ESR2: variants seen among roughly 807,000 people sequenced by gnomAD.
The protein encoded by ESR2 is estrogen receptor 2, also known as estrogen receptor beta.
A neutral mutation model predicts 49.6 loss-of-function variants in ESR2; 36 were observed. The observed-to-expected ratio is 0.73, with a 90% CI of 0.56 to 0.96. The LOEUF (loss-of-function observed/expected upper bound fraction) is 0.96. ESR2 is among the 40% of genes least tolerant of loss of function. ESR2 has a pLI of 0.00. For missense variants in ESR2, 714 were observed against 693.0 expected, an observed-to-expected ratio of 1.03 and a Z score of -0.34; for synonymous variants, 320 against 266.1, an observed-to-expected ratio of 1.20 and a Z score of -1.97.
chr14:64,234,875 T>C, intron 8 of ESR2, 95 bp downstream of exon 8: 3 of 1,543,314 alleles, frequency 1.9e-6, no homozygotes, highest in Non-Finnish European at 2.6e-6. Flanking sequence ...TTCATTTTCC[T>C]TAACTTGCAG....
At chr14:64,242,711 G>A (rs981379194) in intron 7 of ESR2, among the ~76,000 whole-genome samples, 2 of 152,104 alleles carry the variant, frequency 1.3e-5, no homozygotes, top group African/African-American at 4.8e-5. Flanking sequence ...TTCTATCAGA[G>A]TAATGCTGGC....
At chr14:64,305,960 C>T (rs895266269) in intron 1 of ESR2, among the ~76,000 whole-genome samples, 1 of 152,034 alleles carries the variant, frequency 6.6e-6, no homozygotes, top group Non-Finnish European at 1.5e-5. Flanking sequence ...CCTGTAATCC[C>T]AGCACTTTGG....
chr14:64,291,485 T>G (rs554923524), intron 1 of ESR2, among the ~76,000 whole-genome samples: 1 of 152,158 alleles, frequency 6.6e-6, no homozygotes, highest in Non-Finnish European at 1.5e-5. Context: ...AGTTACATAT[T>G]TAAAATACAG....
chr14:64,296,378 G>A (rs368007572), upstream of ESR2, among the ~76,000 whole-genome samples: 8 of 152,332 alleles, frequency 5.3e-5, no homozygotes, highest in South Asian at 6.2e-4. Flanking sequence ...TGGCTTCATA[G>A]ACAGCTACCG....
intron 1 of ESR2, among the ~76,000 whole-genome samples, chr14:64,302,089 T>A (rs1156300903): frequency 6.6e-6 from 1 of 152,084 alleles, no homozygotes; most frequent in East Asian, 1.9e-4. Context: ...ATTATAAGAG[T>A]AATTTGCAGC....
intron 4 of ESR2, among the ~76,000 whole-genome samples, chr14:64,268,327 G>C (rs536922374): frequency 6.6e-6 from 1 of 152,274 alleles, no homozygotes; most frequent in South Asian, 2.1e-4. Flanking sequence ...TAGAAAGCTA[G>C]ACGAGGGGAT....
At chr14:64,242,348 G>A (rs1055461570) in intron 7 of ESR2, among the ~76,000 whole-genome samples, 12 of 151,260 alleles carry the variant, frequency 7.9e-5, no homozygotes, top group African/African-American at 1.7e-4. Context: ...CAGAGGTTGC[G>A]GTGAGCCCTG....
intron 1 of ESR2, among the ~76,000 whole-genome samples, chr14:64,284,158 A>C (rs2140826419): frequency 6.6e-6 from 1 of 152,096 alleles, no homozygotes; most frequent in African/African-American, 2.4e-5. Flanking sequence ...CAAACTCCTG[A>C]TCTCGAGTGA....
chr14:64,294,523 G>C (rs1015166477), upstream of ESR2: 2 of 152,002 alleles, frequency 1.3e-5, no homozygotes, highest in Admixed American at 6.6e-5. Flanking sequence ...CCCTCGAACC[G>C]ACTCCTGGTC....
chr14:64,274,393 A>C (rs986696382), intron 3 of ESR2, among the ~76,000 whole-genome samples: 1 of 152,108 alleles, frequency 6.6e-6, no homozygotes, highest in African/African-American at 2.4e-5. Context: ...AATTATTATC[A>C]TATAGTTGCT....
At chr14:64,309,893 T>A (rs2077164106) in intron 1 of ESR2, among the ~76,000 whole-genome samples, 2 of 151,892 alleles carry the variant, frequency 1.3e-5, no homozygotes, top group South Asian at 2.1e-4. Flanking sequence ...GAGACCATCC[T>A]GGCTAACACG....
At chr14:64,257,478 G>T in intron 5 of ESR2, 114 bp from the exon 6 acceptor site, 1 of 1,322,126 alleles carries the variant, frequency 7.6e-7, no homozygotes, top group Non-Finnish European at 1.0e-6. Flanking sequence ...CCATTAGGGA[G>T]TTGATATTTT....
chr14:64,305,097 T>C (rs1229866487), intron 1 of ESR2, among the ~76,000 whole-genome samples: 1 of 151,470 alleles, frequency 6.6e-6, no homozygotes, highest in South Asian at 2.1e-4. Context: ...GAGACCAACC[T>C]GGCTAACACG....
At position 64,233,122 on chromosome 14, in the gene ESR2, C is replaced by T. The variant is rs1300652813; in HGVS notation, c.*15G>A. On this transcript the variant is annotated 3_prime_UTR_variant, in exon 9 of 9. Transcript: ENST00000341099. ...CCTGTGACCTCTGTGGGCCAGTTCA[C>T]CTCAGGGCCAGGCGTCACTGAGACT... The T allele has an allele frequency of 1.2e-6, 2 of 1,610,230 alleles. No individual in the cohort carries two copies. The highest frequency in any genetic ancestry group is 1.7e-5 in the Admixed American group (1 of 59,902).
chr14:64,284,286 AT>A (rs768766135), intron 1 of ESR2, among the ~76,000 whole-genome samples: 1 of 151,792 alleles, frequency 6.6e-6, no homozygotes, highest in Non-Finnish European at 1.5e-5. Flanking sequence ...GAATTTTTGT[AT>A]GTAAAGTGAG....
At chr14:64,272,407 C>T (rs1397865464) in intron 3 of ESR2, among the ~76,000 whole-genome samples, 1 of 152,116 alleles carries the variant, frequency 6.6e-6, no homozygotes, top group African/African-American at 2.4e-5. Flanking sequence ...GATGTGATTC[C>T]ATTTGTCCAC....
intron 7 of ESR2, among the ~76,000 whole-genome samples, chr14:64,241,848 A>G (rs866467404): frequency 6.6e-6 from 1 of 152,304 alleles, no homozygotes; most frequent in South Asian, 2.1e-4. Flanking sequence ...TTAAATAAAG[A>G]CTTTCACTTC....
At chr14:64,313,163 A>G (rs1006550132) in intron 1 of ESR2, among the ~76,000 whole-genome samples, 1 of 152,186 alleles carries the variant, frequency 6.6e-6, no homozygotes, top group Admixed American at 6.5e-5. Context: ...GGATCAATCA[A>G]CCAAGAAGAC....
Position 64,235,062 on chromosome 14 carries a change from A to G in ESR2, c.1314T>C (p.Val438=). 6.2e-7 allele frequency: 1 copy of G among 1,614,094 alleles called. No individual in the cohort carries two copies. The highest frequency in any genetic ancestry group is 2.2e-5 in the East Asian group (1 of 44,888). ...HLLNAVTDAL[V]WVIAKSGISS... is the part of the protein sequence containing the mutation. ...AGATGCCGCTCTTGGCAATCACCCA[A>G]ACCAAAGCATCGGTCACGGCGTTCA... Residue 438 remains valine (V), a synonymous_variant, in exon 8 of 9, where the codon GTT becomes GTC. Coordinates refer to ENST00000341099, the MANE Select transcript of ESR2 (RefSeq NM_001437.3).
Sources: allele counts gnomAD v4.1 joint callset (sites outside exome capture counted in the v4.1 genomes callset), GRCh38; gene constraint gnomAD v4.1.1; transcripts MANE v1.5; gene names NCBI Gene and HGNC (gene_info 2026-07-23, HGNC 2026-07-21).